The following CSMD1 variants were observed in gnomAD, a reference collection of about 807,000 sequenced individuals.
CSMD1 encodes CUB and sushi domain-containing protein 1.
A neutral mutation model predicts 417.5 loss-of-function variants in CSMD1; 213 were observed. That is an observed-to-expected ratio of 0.51 (90% confidence interval 0.46 to 0.57). CSMD1 has a LOEUF of 0.57. Ranked by LOEUF, CSMD1 falls within the 20% of genes least tolerant of loss-of-function variation. The probability of loss-of-function intolerance (pLI) is 0.00; values close to 1 mark genes in which losing one functional copy is unlikely to be tolerated. For synonymous variants in CSMD1, 2,862 were observed against 1,736.8 expected (o/e 1.65, Z -16.11); for missense variants, 6,923 against 4,529.7 (o/e 1.53, Z -15.17).
intron 3 of CSMD1, among the ~76,000 whole-genome samples, chr8:4,183,929 T>C (rs558803369): frequency 7.4e-4 from 113 of 152,202 alleles, no homozygotes; most frequent in African/African-American, 2.6e-3. Context: ...CACATGATAG[T>C]CTGGGAAACC....
chr8:4,238,128 C>A (rs1018509010), intron 3 of CSMD1, among the ~76,000 whole-genome samples: 1 of 152,104 alleles, frequency 6.6e-6, no homozygotes, highest in Non-Finnish European at 1.5e-5. Flanking sequence ...CTGCCCCTGG[C>A]CTAAAAATGT....
intron 2 of CSMD1, among the ~76,000 whole-genome samples, chr8:4,605,060 A>C (rs1480695622): frequency 6.6e-6 from 1 of 152,198 alleles, no homozygotes; most frequent in Non-Finnish European, 1.5e-5. Flanking sequence ...AGTCCTATCT[A>C]ACTCCTGCTA....
chr8:3,409,473 A>G lies in CSMD1; in HGVS notation c.1694T>C (p.Ile565Thr), dbSNP rs762940560. Reference sequence around the variant, plus strand: ...CCACTGATTGTTCTGCTGACAGGTGATAACTCTCTCCCCCACCAGCTCAAA... The same window carrying G: ...CCACTGATTGTTCTGCTGACAGGTGGTAACTCTCTCCCCCACCAGCTCAAA... ...AAFELVGERVITCQQNNQWSG... is the reference protein window; with the variant it reads ...AAFELVGERVTTCQQNNQWSG... Residue 565 changes from isoleucine (I) to threonine (T), a missense_variant, in exon 13 of 70, where the codon ATC (isoleucine) becomes ACC (threonine). Physicochemically the swap from Ile to Thr is moderately conservative, Grantham distance 89. Coordinates refer to ENST00000635120, the MANE Select transcript of CSMD1 (RefSeq NM_033225.6). 4.3e-6 allele frequency: 7 copies of G among 1,611,556 alleles called. No individual in the cohort carries two copies. The highest frequency in any genetic ancestry group is 2.2e-5 in the East Asian group (1 of 44,790).
At chr8:2,967,515 A>C (rs1804070509) in intron 57 of CSMD1, among the ~76,000 whole-genome samples, 1 of 152,184 alleles carries the variant, frequency 6.6e-6, no homozygotes, top group Non-Finnish European at 1.5e-5. Flanking sequence ...TTTCAGGGTG[A>C]ACATTTCAAT....
intron 1 of CSMD1, among the ~76,000 whole-genome samples, chr8:4,851,701 G>A (rs80014364): frequency 0.044 from 6,671 of 152,016 alleles, 166 homozygotes; most frequent in Non-Finnish European, 0.057. Context: ...GTGTGGCATC[G>A]GCAATCACCC....
chr8:4,333,996 T>C (rs1253113863), intron 3 of CSMD1, among the ~76,000 whole-genome samples: 1 of 151,964 alleles, frequency 6.6e-6, no homozygotes, highest in Non-Finnish European at 1.5e-5. Flanking sequence ...CCTCAAGCCA[T>C]CCTCCCGCCT....
chr8:4,886,334 T>TA (rs1207831123), intron 1 of CSMD1, among the ~76,000 whole-genome samples: 5 of 151,846 alleles, frequency 3.3e-5, no homozygotes, highest in Non-Finnish European at 5.9e-5. Context: ...ACTATATATA[T>TA]TTTTTTATTT....
chr8:4,795,081 T>C (rs1443273966), intron 1 of CSMD1, among the ~76,000 whole-genome samples: 1 of 151,480 alleles, frequency 6.6e-6, no homozygotes, highest in East Asian at 1.9e-4. Context: ...ATATGGAAGG[T>C]AATAGTGAAG....
intron 3 of CSMD1, among the ~76,000 whole-genome samples, chr8:4,252,646 G>C (rs548330316): frequency 2.6e-5 from 4 of 152,316 alleles, no homozygotes; most frequent in South Asian, 4.1e-4. Context: ...GTAACACCCA[G>C]TTTAAAAATG....
chr8:4,618,399 G>A (rs968097333), intron 2 of CSMD1, among the ~76,000 whole-genome samples: 4 of 152,080 alleles, frequency 2.6e-5, no homozygotes, highest in African/African-American at 4.8e-5. Context: ...AAATATTTCT[G>A]AGATTTGAAC....
Position 3,400,059 on chromosome 8 carries a change from T to C in CSMD1, c.2267-530A>G, listed in dbSNP as rs73657837. Among the ~76,000 whole-genome samples the C allele has an allele frequency of 5.4e-3, 825 of 152,316 alleles. 4 individuals are homozygous for C. Among genetic ancestry groups the C allele is most frequent in the African/African-American group, 0.019 (775 of 41,572 alleles). ...AAACAAAATGTTCAATCAAATTTGA[T>C]AAGTGTAGAATTAGACTGCATTGAA... is the stretch of plus-strand genomic sequence containing the variant. On this transcript the variant is annotated intron_variant, in intron 15 of 69. Transcript: ENST00000635120.
At chr8:3,951,651 T>C (rs146486636) in intron 5 of CSMD1, among the ~76,000 whole-genome samples, 37 of 151,892 alleles carry the variant, frequency 2.4e-4, no homozygotes, top group African/African-American at 8.2e-4. Flanking sequence ...AAGGTTAAAA[T>C]TTTTTAAAAA....
chr8:4,432,033 G>C (rs1015788995), intron 2 of CSMD1, among the ~76,000 whole-genome samples: 1 of 152,026 alleles, frequency 6.6e-6, no homozygotes, highest in African/African-American at 2.4e-5. Flanking sequence ...GCAAAAATGT[G>C]TAAGGAGATT....
chr8:4,476,725 G>C (rs1800822604), intron 2 of CSMD1, among the ~76,000 whole-genome samples: 1 of 152,086 alleles, frequency 6.6e-6, no homozygotes, highest in Admixed American at 6.6e-5. Flanking sequence ...TTTATGAATA[G>C]CTTTCTTAAT....
At chr8:4,930,876 A>G (rs1807202638) in intron 1 of CSMD1, among the ~76,000 whole-genome samples, 1 of 152,254 alleles carries the variant, frequency 6.6e-6, no homozygotes, top group African/African-American at 2.4e-5. Flanking sequence ...GGTTCCCAGA[A>G]TTACTGTATG....
intron 7 of CSMD1, among the ~76,000 whole-genome samples, chr8:3,642,560 A>C (rs1163158589): frequency 6.6e-6 from 1 of 152,230 alleles, no homozygotes; most frequent in Non-Finnish European, 1.5e-5. Flanking sequence ...TCCAAGGAAC[A>C]GAAGTTTGCA....
At chr8:3,006,646 A>G (rs111722297) in intron 52 of CSMD1, among the ~76,000 whole-genome samples, 2 of 150,106 alleles carry the variant, frequency 1.3e-5, no homozygotes, top group East Asian at 3.9e-4. Context: ...GATCTTTGAC[A>G]AACCTGAGAA....
chr8:3,185,636 A>G (rs1173041579), intron 36 of CSMD1, among the ~76,000 whole-genome samples: 1 of 152,230 alleles, frequency 6.6e-6, no homozygotes, highest in Non-Finnish European at 1.5e-5. Flanking sequence ...TACTCGAGGG[A>G]AGGCTTAATA....
intron 1 of CSMD1, among the ~76,000 whole-genome samples, chr8:4,842,640 GTTC>G: frequency 6.6e-6 from 1 of 152,190 alleles, no homozygotes. Flanking sequence ...ACTCAGTAGT[GTTC>G]TTCTCTGTTG....
Sources: gnomAD v4.1 joint callset for allele counts (sites outside exome capture counted in the v4.1 genomes callset) on GRCh38, gnomAD v4.1.1 for gene constraint, MANE v1.5 for transcripts, NCBI Gene and HGNC (gene_info 2026-07-23, HGNC 2026-07-21) for gene names.